The following DCAF6 variants were observed in gnomAD, a reference collection of about 807,000 sequenced individuals.
The protein encoded by DCAF6 is DDB1 and CUL4 associated factor 6.
Under a neutral mutation model 125.1 loss-of-function variants are expected in DCAF6, and 54 were observed. The ratio of observed to expected loss-of-function variants is 0.43; its 90% CI spans 0.35 to 0.54. The LOEUF (loss-of-function observed/expected upper bound fraction) is 0.54, where lower values mean the gene tolerates loss of function less well. DCAF6 is among the 20% of genes least tolerant of loss of function. The pLI is 0.01. For missense variants in DCAF6, 934 were observed against 1,161.7 expected (o/e 0.80, Z 2.85); for synonymous variants, 371 against 390.4 (o/e 0.95, Z 0.58).
the DCAF6 span, chr1:167,893,824 A>G: frequency 6.5e-7 from 1 of 1,532,432 alleles, no homozygotes; most frequent in African/African-American, 1.4e-5. Context: ...TGACATCCCC[A>G]AAGCCAGTAA....
chr1:167,882,995 A>G, the DCAF6 span, among the ~76,000 whole-genome samples: 1 of 152,218 alleles, frequency 6.6e-6, no homozygotes, highest in Admixed American at 6.5e-5. Context: ...TATCCACCAT[A>G]GAAGTTATAA....
At chr1:168,037,101 C>CA (rs201286301) in intron 12 of DCAF6, among the ~76,000 whole-genome samples, 1 of 148,558 alleles carries the variant, frequency 6.7e-6, no homozygotes, top group East Asian at 1.9e-4. Context: ...GATTCTCCCC[C>CA]CCCTTTTTTT....
chr1:167,932,647 A>G (rs1020135251), upstream of DCAF6, among the ~76,000 whole-genome samples: 3 of 151,982 alleles, frequency 2.0e-5, no homozygotes, highest in African/African-American at 7.3e-5. Context: ...CATCTCTACT[A>G]AAAACACAAA....
intron 16 of DCAF6, among the ~76,000 whole-genome samples, chr1:168,050,675 A>T (rs537566616): frequency 6.6e-6 from 1 of 152,206 alleles, no homozygotes; most frequent in Admixed American, 6.5e-5. Context: ...TCTTCCTTCT[A>T]TTCTAGCTTC....
the DCAF6 span, among the ~76,000 whole-genome samples, chr1:167,909,410 C>T: frequency 6.6e-6 from 1 of 152,130 alleles, no homozygotes; most frequent in Non-Finnish European, 1.5e-5. Context: ...AGTGGAATTG[C>T]TGGGTCATAG....
chr1:168,043,424 G>C (rs991976774), intron 14 of DCAF6, among the ~76,000 whole-genome samples: 2 of 151,978 alleles, frequency 1.3e-5, no homozygotes, highest in African/African-American at 2.4e-5. Flanking sequence ...GTTTGAATTA[G>C]TCTTTATCAT....
At chr1:167,920,755 T>C in the DCAF6 span, 2 of 935,760 alleles carry the variant, frequency 2.1e-6, no homozygotes, top group Non-Finnish European at 3.1e-6. Flanking sequence ...TTAGTGTCCA[T>C]TCATTAAGAA....
the DCAF6 span, among the ~76,000 whole-genome samples, chr1:167,928,284 CTTGCAGTGAGCCGAGATCG>C: frequency 6.8e-6 from 1 of 148,090 alleles, no homozygotes; most frequent in Admixed American, 6.8e-5. Flanking sequence ...GGAGGTGGAG[CTTGCAGTGAGCCGAGATCG>C]CACCACTGCA....
At chr1:167,912,893 AT>A in the DCAF6 span, among the ~76,000 whole-genome samples, 1 of 152,226 alleles carries the variant, frequency 6.6e-6, no homozygotes, top group Non-Finnish European at 1.5e-5. Context: ...GCACAGAGGT[AT>A]TAACTTGCTC....
intron 12 of DCAF6, among the ~76,000 whole-genome samples, chr1:168,037,677 A>G (rs1688012741): frequency 1.3e-5 from 2 of 152,218 alleles, no homozygotes; most frequent in South Asian, 4.1e-4. Flanking sequence ...ATAGATGTGT[A>G]TTATAGACAT....
intron 10 of DCAF6, among the ~76,000 whole-genome samples, chr1:168,009,341 T>TCCTC (rs1190388951): frequency 1.1e-4 from 15 of 138,562 alleles, no homozygotes; most frequent in Admixed American, 5.1e-4. Context: ...TTTCCTTCCT[T>TCCTC]CCTCCCTTCC....
upstream of DCAF6, among the ~76,000 whole-genome samples, chr1:167,932,538 G>A (rs889132807): frequency 1.3e-4 from 20 of 152,120 alleles, no homozygotes; most frequent in East Asian, 2.7e-3. Context: ...GCCGGGTGTG[G>A]TTGCTCACAC....
At chr1:167,926,035 G>A in the DCAF6 span, among the ~76,000 whole-genome samples, 2 of 152,172 alleles carry the variant, frequency 1.3e-5, no homozygotes, top group African/African-American at 4.8e-5. Flanking sequence ...GGTATCATTA[G>A]AATAATTCTT....
chr1:167,925,470 T>TATATATATATATATATAC, the DCAF6 span, among the ~76,000 whole-genome samples: 5 of 107,774 alleles, frequency 4.6e-5, no homozygotes, highest in East Asian at 1.1e-3. Flanking sequence ...TATATATATA[T>TATATATATATATATATAC]ATATACATAT....
chr1:167,955,443 G>GT (rs879890274), intron 2 of DCAF6, among the ~76,000 whole-genome samples: 1,460 of 137,900 alleles, frequency 0.011, 8 homozygotes, highest in African/African-American at 0.017. Context: ...GGTGTGGTCA[G>GT]TTTTTTTTTT....
intron 1 of DCAF6, among the ~76,000 whole-genome samples, chr1:167,944,990 G>GA (rs1672838777): frequency 6.6e-6 from 1 of 152,160 alleles, no homozygotes; most frequent in Non-Finnish European, 1.5e-5. Flanking sequence ...CGTTTCCACA[G>GA]TGTATGTTCT....
chr1:167,943,646 C>T (rs1042311541), intron 1 of DCAF6, among the ~76,000 whole-genome samples: 10 of 152,126 alleles, frequency 6.6e-5, no homozygotes, highest in African/African-American at 1.4e-4. Flanking sequence ...TCCTCATTAA[C>T]GAATTTCTCA....
In DCAF6 at chr1:167,976,886, G is replaced by GTT. The variant is rs397981860; in HGVS notation, c.438+1904_438+1905dup. On this transcript the variant is annotated intron_variant, in intron 4 of 21. Transcript: ENST00000367840. ...TGTACTGAAGGTACATCCTTTAGCA[G>GTT]TTTTTTTTTTTTTTTTTTTTTTTTT... is the stretch of plus-strand genomic sequence containing the variant. 8.5e-3 allele frequency among the ~76,000 whole-genome samples: 325 copies of GTT among 38,052 alleles called. 64 individuals are homozygous for GTT. Among genetic ancestry groups the GTT allele is most frequent in the Non-Finnish European group, 0.011 (217 of 19,420 alleles). The allele number at this position is 38,052 out of a possible 152,430, so 25.0% of individuals were successfully genotyped here.
At chr1:167,918,121 A>G in the DCAF6 span, 1 of 449,200 alleles carries the variant, frequency 2.2e-6, no homozygotes, top group East Asian at 3.5e-5. Flanking sequence ...AATGTTACTA[A>G]TATCCATAGA....
Sources: gnomAD v4.1 joint callset for allele counts (sites outside exome capture counted in the v4.1 genomes callset) on GRCh38, gnomAD v4.1.1 for gene constraint, MANE v1.5 for transcripts, NCBI Gene and HGNC (gene_info 2026-07-23, HGNC 2026-07-21) for gene names.